NFATC1: variants seen among roughly 807,000 people sequenced by gnomAD.
The protein encoded by NFATC1 is nuclear factor of activated T-cells, cytoplasmic 1.
In NFATC1, 22 loss-of-function variants were observed where a neutral mutation model predicts 76.0. The ratio of observed to expected loss-of-function variants is 0.29; its 90% CI spans 0.21 to 0.41. The LOEUF is 0.41. Ranked by LOEUF, NFATC1 falls within the 10% of genes least tolerant of loss-of-function variation. The probability of loss-of-function intolerance (pLI) is 1.00; values close to 1 mark genes in which losing one functional copy is unlikely to be tolerated. For missense variants in NFATC1, 1,357 were observed against 1,337.7 expected (o/e 1.01, Z -0.23); for synonymous variants, 704 against 613.1 (o/e 1.15, Z -2.19).
Position 79,451,678 on chromosome 18 carries a change from C to T in NFATC1, c.1765C>T (p.Gln589Ter). 6.2e-7 allele frequency: 1 copy of T among 1,603,368 alleles called. No individual in the cohort carries two copies. Among genetic ancestry groups the T allele is most frequent in the Non-Finnish European group, 8.5e-7 (1 of 1,174,714 alleles). ...QVASNPIECS[Q>*]RSAQELPLVE... ...CTGCCCCTCTCCTTCTGATGCAGCCCAGCGCTCAGCTCAGGAGCTGCCTCT... is the reference window on the plus strand; with the variant it reads ...CTGCCCCTCTCCTTCTGATGCAGCCTAGCGCTCAGCTCAGGAGCTGCCTCT... The change falls in exon 6 of 10, where the codon CAG becomes TAG. Residue 589 changes from glutamine to a stop codon, truncating the protein, a stop_gained and splice_region_variant. Transcript: ENST00000427363. LOFTEE classifies it high-confidence loss of function.
chr18:79,477,765 G>A lies in NFATC1; in HGVS notation c.2093-8483G>A, dbSNP rs908872335. ...TCACAGCTCTGGGGGCTGGAAGTCC[G>A]AGGTTGGGACTGGTACGGTCGGGTT... On this transcript the variant is annotated intron_variant, in intron 8 of 9. Coordinates refer to ENST00000427363, the MANE Select transcript of NFATC1 (RefSeq NM_001278669.2). 2.6e-5 allele frequency among the ~76,000 whole-genome samples: 4 copies of A among 152,212 alleles called. No individual in the cohort carries two copies. The South Asian group carries it at 6.2e-4, about 24-fold the overall frequency.
At chr18:79,452,017 G>A in intron 6 of NFATC1, 1 of 545,152 alleles carries the variant, frequency 1.8e-6, no homozygotes, top group East Asian at 3.5e-5. Flanking sequence ...TGCTGCTGAA[G>A]GGAAGAGGTG....
intron 9 of NFATC1, among the ~76,000 whole-genome samples, chr18:79,526,196 C>T (rs149007714): frequency 4.6e-5 from 7 of 152,358 alleles, no homozygotes; most frequent in Admixed American, 1.3e-4. Flanking sequence ...CGTGCCAGTC[C>T]GGGAGCAGCC....
In NFATC1 at chr18:79,467,403, C is replaced by T. The variant is rs776572783; in HGVS notation, c.1960-47C>T. ...GTGGCCGCCGTGGCGCGGCAGCCAT[C>T]GCCTGCCCGGTGCTGATTGTGCCTC... On this transcript the variant is annotated intron_variant, in intron 7 of 9. Transcript: ENST00000427363. The T allele has an allele frequency of 8.1e-6, 12 of 1,479,380 alleles. No individual in the cohort carries two copies. In the Admixed American group the frequency reaches 1.2e-4, roughly 14 times the overall value. The allele number at this position is 1,479,380 out of a possible 1,614,324, so 91.6% of individuals were successfully genotyped here.
rs548758638 is a variant in NFATC1, at chr18:79,491,815, G to A, written c.2782+4878G>A. Among the ~76,000 whole-genome samples the A allele has an allele frequency of 9.5e-4, 144 of 152,230 alleles. 1 individual carries two copies. The Middle Eastern group carries it at 0.014, about 14-fold the overall frequency. On this transcript the variant is annotated intron_variant, in intron 9 of 9. Coordinates refer to ENST00000427363, the MANE Select transcript of NFATC1 (RefSeq NM_001278669.2). Reference sequence around the variant, plus strand: ...ACAGGCCAGCGTCTGGGATGTCCTCGTGGGGCCGGGGACTCAGCCCCGGCC... The same window carrying A: ...ACAGGCCAGCGTCTGGGATGTCCTCATGGGGCCGGGGACTCAGCCCCGGCC...
Position 79,396,205 on chromosome 18 carries a change from T to A in NFATC1, c.-20T>A. On this transcript the variant is annotated 5_prime_UTR_variant, in exon 1 of 10. Coordinates refer to ENST00000427363, the MANE Select transcript of NFATC1 (RefSeq NM_001278669.2). The stretch of plus-strand genomic sequence containing the variant: ...CCTGTGCCTCCGCCCGCCGCTCCAC[T>A]CCCCGCCGCCGCCGCGCGGATGCCA... The A allele has an allele frequency of 6.8e-7, 1 of 1,460,478 alleles. No individual in the cohort carries two copies. The highest frequency in any genetic ancestry group is 9.1e-7 in the Non-Finnish European group (1 of 1,095,918). The allele number at this position is 1,460,478 out of a possible 1,614,324, so 90.5% of individuals were successfully genotyped here.
Position 79,465,419 on chromosome 18 carries a change from C to G in NFATC1, c.1960-2031C>G, listed in dbSNP as rs1264069288. 6.6e-6 allele frequency among the ~76,000 whole-genome samples: 1 copy of G among 152,160 alleles called. No homozygotes were observed. Among genetic ancestry groups the G allele is most frequent in the African/African-American group, 2.4e-5 (1 of 41,422 alleles). ...CCAGCCTGCCTCACGGGGTCCCCGC[C>G]TCCACCCAGTCTGGCCCACAAGGTC... is the stretch of plus-strand genomic sequence containing the variant. On this transcript the variant is annotated intron_variant, in intron 7 of 9. Coordinates refer to ENST00000427363, the MANE Select transcript of NFATC1 (RefSeq NM_001278669.2). This position sits in a 1 kb window ranked among gnomAD's most constrained non-coding sequence, Gnocchi z 4.2.
chr18:79,476,763 A>T (rs894031033), intron 8 of NFATC1, among the ~76,000 whole-genome samples: 1 of 152,230 alleles, frequency 6.6e-6, no homozygotes, highest in African/African-American at 2.4e-5. Context: ...CGTCCTGGAC[A>T]CATGGCCAGG....
chr18:79,442,628 CAG>C (rs1345707218), intron 3 of NFATC1, among the ~76,000 whole-genome samples: 1 of 152,266 alleles, frequency 6.6e-6, no homozygotes, highest in Non-Finnish European at 1.5e-5. Flanking sequence ...TGTTGGTTCA[CAG>C]ACGTGCGGTG....
Position 79,415,188 on chromosome 18 carries a change from C to T in NFATC1, c.1226+3687C>T, listed in dbSNP as rs1410896563. Among the ~76,000 whole-genome samples the T allele has an allele frequency of 9.2e-5, 14 of 152,290 alleles. No homozygotes were observed. In the East Asian group the frequency reaches 1.2e-3, roughly 13 times the overall value. ...GTCTCTGGAGTTGCCTTTGTAGAGG[C>T]AAGGTTGTAGGGGAATTGGAAAGGC... On this transcript the variant is annotated intron_variant, in intron 2 of 9. Coordinates refer to ENST00000427363, the MANE Select transcript of NFATC1 (RefSeq NM_001278669.2).
At position 79,460,101 on chromosome 18, in the gene NFATC1, G is replaced by A. The variant is rs568009310; in HGVS notation, c.1904-1210G>A. ...GGTGGGTAATTTGCGTGGGGACCTC[G>A]GGCCTCCCGGGCTGGCATGGCCAGG... is the stretch of plus-strand genomic sequence containing the variant. On this transcript the variant is annotated intron_variant, in intron 6 of 9. Coordinates refer to ENST00000427363, the MANE Select transcript of NFATC1 (RefSeq NM_001278669.2). 6.9e-4 allele frequency among the ~76,000 whole-genome samples: 105 copies of A among 152,330 alleles called. 2 individuals carry two copies. The South Asian group carries it at 9.3e-3, about 14-fold the overall frequency.
At chr18:79,487,804 G>T (rs895266642) in intron 9 of NFATC1, among the ~76,000 whole-genome samples, 1 of 151,846 alleles carries the variant, frequency 6.6e-6, no homozygotes, top group African/African-American at 2.4e-5. Context: ...CTGGCCCTGC[G>T]GTTTGTGTGC....
In NFATC1 at chr18:79,411,007, C is replaced by G. The variant is rs774196209; in HGVS notation, c.732C>G (p.Ala244=). The G allele has an allele frequency of 1.9e-5, 31 of 1,610,778 alleles. No homozygotes were observed. In the East Asian group the frequency reaches 6.7e-4, roughly 35 times the overall value. Residue 244 remains alanine, a synonymous_variant, in exon 2 of 10, where the codon GCC becomes GCG. Transcript: ENST00000427363. ...ACTCCCCCTCCACCTCGCCCCGCGC[C>G]AGCGTCACTGAGGAGAGCTGGCTGG... ...PRHSPSTSPR[A]SVTEESWLGA...
At chr18:79,491,651 C>T (rs764629304) in intron 9 of NFATC1, among the ~76,000 whole-genome samples, 3 of 152,220 alleles carry the variant, frequency 2.0e-5, no homozygotes, top group Non-Finnish European at 4.4e-5. Context: ...CCAGCCTCCC[C>T]GGCTTCCCTT....
chr18:79,466,695 G>A (rs2088514842), intron 7 of NFATC1, among the ~76,000 whole-genome samples: 2 of 152,226 alleles, frequency 1.3e-5, no homozygotes, highest in African/African-American at 4.8e-5. Flanking sequence ...CCACCCCGGG[G>A]TCTGCGGGGG....
At chr18:79,398,057 T>C (rs1167046348) in intron 1 of NFATC1, among the ~76,000 whole-genome samples, 1 of 152,074 alleles carries the variant, frequency 6.6e-6, no homozygotes, top group Non-Finnish European at 1.5e-5. Context: ...TCTGAGTCCT[T>C]CTGAGTAGGC....
chr18:79,461,417 A>G (rs1315652071), intron 7 of NFATC1, 51 bp downstream of exon 7: 1 of 1,603,028 alleles, frequency 6.2e-7, no homozygotes, highest in Non-Finnish European at 8.5e-7. Context: ...AGGGCTTGGG[A>G]GGCTGGGGTC....
At chr18:79,464,840 G>A (rs55806861) in intron 7 of NFATC1, among the ~76,000 whole-genome samples, 45,968 of 149,916 alleles carry the variant, frequency 0.31, 7,075 homozygotes, top group East Asian at 0.36. Flanking sequence ...CCAGTAGCTG[G>A]GGACACAAGT....
At chr18:79,417,988 G>C (rs576361768) in intron 2 of NFATC1, among the ~76,000 whole-genome samples, 26 of 152,176 alleles carry the variant, frequency 1.7e-4, no homozygotes, top group Admixed American at 1.2e-3. Flanking sequence ...GGCTGGGCCT[G>C]TCCTCTGTGG....
Sources: gnomAD v4.1 joint callset for allele counts (sites outside exome capture counted in the v4.1 genomes callset) on GRCh38, gnomAD v4.1.1 for gene constraint, Gnocchi (gnomAD v3.1) non-coding constraint, MANE v1.5 for transcripts, NCBI Gene and HGNC (gene_info 2026-07-23, HGNC 2026-07-21) for gene names.